ZNF860: variants seen among roughly 807,000 people sequenced by gnomAD.
ZNF860 encodes zinc finger protein 860.
For synonymous variants in ZNF860, 206 were observed against 248.9 expected (o/e 0.83, Z 1.62); for missense variants, 641 against 759.2 (o/e 0.84, Z 1.83).
At chr3:31,997,382 A>G in the ZNF860 span, among the ~76,000 whole-genome samples, 3 of 151,638 alleles carry the variant, frequency 2.0e-5, no homozygotes, top group Admixed American at 2.0e-4. Context: ...CTCGTGCCTC[A>G]GCCTCCCAAG....
the ZNF860 span, among the ~76,000 whole-genome samples, chr3:32,005,590 G>A: frequency 6.6e-6 from 1 of 151,910 alleles, no homozygotes; most frequent in Non-Finnish European, 1.5e-5. Context: ...GGTTTTTTTT[G>A]TTGTTGCTTT....
At chr3:31,999,002 TAA>T in the ZNF860 span, among the ~76,000 whole-genome samples, 1 of 152,154 alleles carries the variant, frequency 6.6e-6, no homozygotes, top group Non-Finnish European at 1.5e-5. Context: ...AGAAGATGTG[TAA>T]AAGAGAAAAA....
chr3:31,985,856 A>C (rs1303739386), intron 1 of ZNF860, among the ~76,000 whole-genome samples: 1 of 152,058 alleles, frequency 6.6e-6, no homozygotes, highest in Non-Finnish European at 1.5e-5. Flanking sequence ...TTAAATCCTC[A>C]CAACAACCAC....
the ZNF860 span, among the ~76,000 whole-genome samples, chr3:32,001,531 A>G: frequency 6.6e-6 from 1 of 152,240 alleles, no homozygotes; most frequent in Admixed American, 6.5e-5. Context: ...CAACTCATTA[A>G]TTAATAGGGA....
In ZNF860 at chr3:31,989,266, G is replaced by C; in HGVS notation, c.187G>C (p.Val63Leu). ...GGAGAACTACAGGAACCTGCATTCT[G>C]TGGATATCTCTTCCAAATGCATGAT... ...MLENYRNLHS[V>L]DISSKCMMKK... The change falls in exon 2 of 2, where the codon GTG (valine) becomes CTG (leucine). Residue 63 changes from valine (V) to leucine (L), a missense_variant. Transcript: ENST00000360311. 1 of 1,614,176 alleles carries C rather than the reference G, an allele frequency of 6.2e-7. No homozygotes were observed. Among genetic ancestry groups the C allele is most frequent in the Non-Finnish European group, 8.5e-7 (1 of 1,180,038 alleles).
At chr3:32,004,384 G>T in the ZNF860 span, among the ~76,000 whole-genome samples, 1 of 152,130 alleles carries the variant, frequency 6.6e-6, no homozygotes, top group Non-Finnish European at 1.5e-5. Context: ...TACATTACCA[G>T]GAAGGATTGC....
At chr3:31,994,136 A>G (rs184673000), downstream of ZNF860, among the ~76,000 whole-genome samples, 6 of 152,374 alleles carry the variant, frequency 3.9e-5, no homozygotes, top group African/African-American at 1.4e-4. Context: ...TCAACCACAC[A>G]CTATATGATT....
At chr3:31,995,630 G>A (rs1474155558), downstream of ZNF860, among the ~76,000 whole-genome samples, 2 of 152,176 alleles carry the variant, frequency 1.3e-5, no homozygotes, top group Non-Finnish European at 2.9e-5. Context: ...CTTAGGTGAT[G>A]TACATCCTCA....
chr3:31,990,891 T>C lies in ZNF860; in HGVS notation c.1812T>C (p.Thr604=). 1 of 1,575,134 alleles carries C rather than the reference T, an allele frequency of 6.3e-7. No individual in the cohort carries two copies. Among genetic ancestry groups the C allele is most frequent in the Non-Finnish European group, 8.6e-7 (1 of 1,159,084 alleles). Residue 604 remains threonine, a synonymous_variant, in exon 2 of 2, where the codon ACT becomes ACC. Transcript: ENST00000360311. The part of the protein sequence containing the change: ...HKCDDCGKAF[T]SHSHRIRHQR... ...GTGATGATTGTGGCAAAGCCTTTACTTCACATTCACATCGCATTAGACATC... is the reference window on the plus strand; with the variant it reads ...GTGATGATTGTGGCAAAGCCTTTACCTCACATTCACATCGCATTAGACATC...
At chr3:31,994,835 A>C (rs1228138812), downstream of ZNF860, among the ~76,000 whole-genome samples, 1 of 152,182 alleles carries the variant, frequency 6.6e-6, no homozygotes. Context: ...CCAATATTTC[A>C]ACGTAGGTTC....
downstream of ZNF860, among the ~76,000 whole-genome samples, chr3:31,995,667 A>G (rs1699084233): frequency 2.0e-5 from 3 of 152,354 alleles, no homozygotes; most frequent in South Asian, 6.2e-4. Context: ...GGATTAAGAG[A>G]TTAAAATAAA....
In ZNF860 at chr3:31,991,108, CTTGACA is replaced by C; in HGVS notation, c.*135_*140del. On this transcript the variant is annotated 3_prime_UTR_variant, in exon 2 of 2. Transcript: ENST00000360311. ...CAGCATTGACTTGAGTTTCAGTTGACTTGACATTGAGTTCAAGCATTAATTGACATT... is the reference window on the plus strand; with the variant it reads ...CAGCATTGACTTGAGTTTCAGTTGACTTGAGTTCAAGCATTAATTGACATT... The C allele has an allele frequency of 1.1e-6, 1 of 913,534 alleles. No homozygotes were observed. Among genetic ancestry groups the C allele is most frequent in the South Asian group, 1.8e-5 (1 of 56,860 alleles). The allele number at this position is 913,534 out of a possible 1,614,324, so 56.6% of individuals were successfully genotyped here. A position where few individuals can be genotyped will look rare whatever the true frequency, so the allele number is the denominator to read the frequency against.
the ZNF860 span, among the ~76,000 whole-genome samples, chr3:32,000,820 G>A: frequency 2.4e-4 from 37 of 152,210 alleles, no homozygotes; most frequent in Admixed American, 4.6e-4. Flanking sequence ...CCGGCCATGC[G>A]GTTCACATGG....
At chr3:31,982,650 T>TAAAA (rs34935064) in intron 1 of ZNF860, among the ~76,000 whole-genome samples, 10,163 of 146,906 alleles carry the variant, frequency 0.069, 549 homozygotes, top group East Asian at 0.32. Flanking sequence ...TACATAGTGT[T>TAAAA]AAAAAAAAAA....
intron 1 of ZNF860, among the ~76,000 whole-genome samples, chr3:31,982,936 C>T (rs545887306): frequency 6.6e-6 from 1 of 152,336 alleles, no homozygotes; most frequent in East Asian, 1.9e-4. Flanking sequence ...ATGAATGCCC[C>T]TTCCAAACAT....
In ZNF860 at chr3:31,989,687, T is replaced by C. The variant is rs777769636; in HGVS notation, c.608T>C (p.Ile203Thr). The change falls in exon 2 of 2, where the codon ATT (isoleucine) becomes ACT (threonine). Residue 203 changes from isoleucine (I) to threonine (T), a missense_variant. By Grantham distance (89) the Ile-to-Thr change is moderately conservative. Coordinates refer to ENST00000360311, the MANE Select transcript of ZNF860 (RefSeq NM_001137674.3). ...ATTTCTTCTAGGCCCAAAATCCATA[T>C]TTCTAATAACTATGAAAATAATTTC... The part of the protein sequence containing the change: ...QRISSRPKIH[I>T]SNNYENNFFH... 9 of 1,614,016 alleles carry C rather than the reference T, an allele frequency of 5.6e-6. No homozygotes were observed. The highest frequency in any genetic ancestry group is 5.1e-6 in the Non-Finnish European group (6 of 1,179,974).
chr3:31,995,862 A>T (rs1418417358), downstream of ZNF860, among the ~76,000 whole-genome samples: 1 of 152,190 alleles, frequency 6.6e-6, no homozygotes, highest in African/African-American at 2.4e-5. Flanking sequence ...AGTGACATGC[A>T]GTTAGTGTGA....
Position 31,989,368 on chromosome 3 carries a change from AT to A in ZNF860, c.291del (p.Ile97MetfsTer32). The A allele has an allele frequency of 2.5e-6, 4 of 1,614,216 alleles. No homozygotes were observed. The highest frequency in any genetic ancestry group is 3.4e-6 in the Non-Finnish European group (4 of 1,180,036). On this transcript the variant is annotated frameshift_variant, in exon 2 of 2. Coordinates refer to ENST00000360311, the MANE Select transcript of ZNF860 (RefSeq NM_001137674.3). LOFTEE classifies it low-confidence loss of function (END_TRUNC). ...ATTAGAAAGACATGAAAGTCATCAC[AT>A]TGGAGATTTTTGCTTCCAGAAAATT... Reference protein sequence around the residue: ...GTLERHESHHIGDFCFQKIGK... With the variant: ...GTLERHESHHXGDFCFQKIGK...
Position 31,991,173 on chromosome 3 carries a change from G to T in ZNF860, c.*195G>T. 1.6e-6 allele frequency: 1 copy of T among 642,558 alleles called. No individual in the cohort carries two copies. Among genetic ancestry groups the T allele is most frequent in the South Asian group, 2.2e-5 (1 of 46,446 alleles). 39.8% of individuals were successfully genotyped at this position (642,558 alleles called of 1,614,324 possible). A position where few individuals can be genotyped will look rare whatever the true frequency, so the allele number is the denominator to read the frequency against. On this transcript the variant is annotated 3_prime_UTR_variant, in exon 2 of 2. Transcript: ENST00000360311. Reference sequence around the variant, plus strand: ...TACGTTAAGAGGATTGGGCTGGGCAGGGTGGCTTATACCTGTAATCCCAGC... The same window carrying T: ...TACGTTAAGAGGATTGGGCTGGGCATGGTGGCTTATACCTGTAATCCCAGC...
Sources: gnomAD v4.1 joint callset for allele counts (sites outside exome capture counted in the v4.1 genomes callset) on GRCh38, gnomAD v4.1.1 for gene constraint, MANE v1.5 for transcripts, NCBI Gene and HGNC (gene_info 2026-07-23, HGNC 2026-07-21) for gene names.